Variants in FTCDNL1 observed in about 807,000 individuals in gnomAD.
FTCDNL1 encodes formiminotransferase cyclodeaminase N-terminal like, also known as formiminotransferase N-terminal subdomain-containing protein.
Under a neutral mutation model 5.9 loss-of-function variants are expected in FTCDNL1, and 11 were observed. The observed-to-expected ratio is 1.87, with a 90% CI of 1.18 to 3.10. The LOEUF is 3.10. FTCDNL1 is among the 30% of genes most tolerant of loss of function. The probability of loss-of-function intolerance (pLI) is 0.00; values close to 1 mark genes in which losing one functional copy is unlikely to be tolerated. For synonymous variants in FTCDNL1, 58 were observed against 24.8 expected, an observed-to-expected ratio of 2.34 and a Z score of -3.99; for missense variants, 115 against 65.5, an observed-to-expected ratio of 1.76 and a Z score of -2.61.
rs1044836169 is a variant in FTCDNL1, at chr2:199,812,312, G to A, written c.*393C>T. On this transcript the variant is annotated 3_prime_UTR_variant, in exon 5 of 5. Transcript: ENST00000420128. ...AATTTCTCTTTCTGCCCAAATTCAC[G>A]CTTTTCCAATTTCCTCCATTTAATC... Among the ~76,000 whole-genome samples, 5 of 152,104 alleles carry A rather than the reference G, an allele frequency of 3.3e-5. No individual in the cohort carries two copies. The highest frequency in any genetic ancestry group is 2.1e-4 in the South Asian group (1 of 4,828).
At chr2:199,749,748 G>A in the FTCDNL1 span, among the ~76,000 whole-genome samples, 57 of 152,224 alleles carry the variant, frequency 3.7e-4, no homozygotes, top group East Asian at 9.9e-3. Flanking sequence ...AGGCACGGCC[G>A]AGGTGGGCTC....
At chr2:199,718,750 G>T in the FTCDNL1 span, among the ~76,000 whole-genome samples, 3 of 152,086 alleles carry the variant, frequency 2.0e-5, no homozygotes, top group Admixed American at 6.6e-5. Flanking sequence ...CATCCAGACT[G>T]GTGTAAGACG....
intron 3 of FTCDNL1, among the ~76,000 whole-genome samples, chr2:199,794,138 G>C (rs913601957): frequency 6.6e-6 from 1 of 152,116 alleles, no homozygotes; most frequent in East Asian, 1.9e-4. Flanking sequence ...AATAGTAATG[G>C]ATATTAATCT....
rs1360021207 is a variant in FTCDNL1 at position 199,810,194 on chromosome 2, G to C, written c.*2511C>G. On this transcript the variant is annotated 3_prime_UTR_variant, in exon 5 of 5. Transcript: ENST00000420128. ...GGCTTGAATTCAATGACAGGCCTAA[G>C]AGTCTCAGAGACAGGAGTAAATCAC... Among the ~76,000 whole-genome samples, 2 of 152,120 alleles carry C rather than the reference G, an allele frequency of 1.3e-5. No individual in the cohort carries two copies. Among genetic ancestry groups the C allele is most frequent in the Non-Finnish European group, 2.9e-5 (2 of 68,026 alleles).
At chr2:199,764,303 C>A (rs1020242010) in intron 3 of FTCDNL1, among the ~76,000 whole-genome samples, 37 of 152,304 alleles carry the variant, frequency 2.4e-4, no homozygotes, top group African/African-American at 8.4e-4. Flanking sequence ...ATTATTACCC[C>A]CATTCTGCCG....
chr2:199,666,971 G>A, the FTCDNL1 span, among the ~76,000 whole-genome samples: 5 of 151,840 alleles, frequency 3.3e-5, no homozygotes, highest in Admixed American at 3.3e-4. Flanking sequence ...CTTTTCCTTG[G>A]TGGAGTTTTT....
the FTCDNL1 span, among the ~76,000 whole-genome samples, chr2:199,731,837 G>A: frequency 1.3e-5 from 2 of 150,384 alleles, no homozygotes; most frequent in East Asian, 2.0e-4. Flanking sequence ...GCAGTGAGCC[G>A]AGATCCCGCC....
chr2:199,714,414 A>G, the FTCDNL1 span, among the ~76,000 whole-genome samples: 1 of 152,192 alleles, frequency 6.6e-6, no homozygotes, highest in Non-Finnish European at 1.5e-5. Flanking sequence ...TTAAAGATAC[A>G]TATGGTGACA....
chr2:199,712,197 A>T, the FTCDNL1 span, among the ~76,000 whole-genome samples: 1 of 152,204 alleles, frequency 6.6e-6, no homozygotes, highest in Admixed American at 6.5e-5. Flanking sequence ...GAACAAATAT[A>T]AAATTTTATT....
the FTCDNL1 span, among the ~76,000 whole-genome samples, chr2:199,670,048 G>A: frequency 7.9e-5 from 12 of 152,292 alleles, no homozygotes; most frequent in Non-Finnish European, 1.6e-4. Context: ...GTGATTACAT[G>A]AAACATAATG....
At chr2:199,683,057 T>C in the FTCDNL1 span, among the ~76,000 whole-genome samples, 9 of 152,292 alleles carry the variant, frequency 5.9e-5, no homozygotes, top group Admixed American at 5.2e-4. Flanking sequence ...CTGAAGTCCC[T>C]TTCTTCTCTT....
At chr2:199,727,596 T>C in the FTCDNL1 span, among the ~76,000 whole-genome samples, 1 of 152,174 alleles carries the variant, frequency 6.6e-6, no homozygotes, top group Non-Finnish European at 1.5e-5. Context: ...TTGTGCTAAC[T>C]GCCTAGTCAG....
the FTCDNL1 span, among the ~76,000 whole-genome samples, chr2:199,712,576 A>G: frequency 3.9e-5 from 6 of 152,196 alleles, no homozygotes; most frequent in African/African-American, 1.2e-4. Flanking sequence ...ACAAAGTACC[A>G]TAAACTAGGT....
At chr2:199,779,811 A>T (rs563504940) in intron 3 of FTCDNL1, among the ~76,000 whole-genome samples, 27 of 152,246 alleles carry the variant, frequency 1.8e-4, no homozygotes, top group African/African-American at 6.5e-4. Flanking sequence ...GTCAGTCCTA[A>T]GTGTATGGGG....
intron 1 of FTCDNL1, among the ~76,000 whole-genome samples, chr2:199,849,659 A>G (rs1469373177): frequency 6.6e-6 from 1 of 152,226 alleles, no homozygotes; most frequent in Non-Finnish European, 1.5e-5. Flanking sequence ...AATTAATTAT[A>G]CAGGTTTTGG....
intron 3 of FTCDNL1, among the ~76,000 whole-genome samples, chr2:199,823,343 A>G (rs181028958): frequency 3.3e-5 from 5 of 152,294 alleles, no homozygotes; most frequent in Admixed American, 2.0e-4. Context: ...CCCCCCAAGA[A>G]TCATGAATGT....
At chr2:199,820,416 CA>C (rs1373647567) in intron 3 of FTCDNL1, among the ~76,000 whole-genome samples, 1 of 151,614 alleles carries the variant, frequency 6.6e-6, no homozygotes, top group East Asian at 1.9e-4. Flanking sequence ...ACAGCCTGGG[CA>C]ACATAGTTAG....
At chr2:199,755,289 C>A in the FTCDNL1 span, among the ~76,000 whole-genome samples, 1 of 152,186 alleles carries the variant, frequency 6.6e-6, no homozygotes, top group Non-Finnish European at 1.5e-5. Flanking sequence ...TTTCCATTGA[C>A]AGGGACCTCA....
At chr2:199,683,814 C>A in the FTCDNL1 span, among the ~76,000 whole-genome samples, 2 of 152,176 alleles carry the variant, frequency 1.3e-5, no homozygotes, top group African/African-American at 4.8e-5. Flanking sequence ...CCTACATCTT[C>A]TGTCCTAAAG....
Sources: allele counts gnomAD v4.1 joint callset (sites outside exome capture counted in the v4.1 genomes callset), GRCh38; gene constraint gnomAD v4.1.1; transcripts MANE v1.5; gene names NCBI Gene and HGNC (gene_info 2026-07-23, HGNC 2026-07-21).